PLEKHA5: variants seen among roughly 807,000 people sequenced by gnomAD.
PLEKHA5 encodes the protein pleckstrin homology domain-containing family A member 5.
In PLEKHA5, 55 loss-of-function variants were observed where a neutral mutation model predicts 181.9. That is an observed-to-expected ratio of 0.30 (90% CI 0.24 to 0.38). The LOEUF (loss-of-function observed/expected upper bound fraction) is 0.38, where lower values mean the gene tolerates loss of function less well. PLEKHA5 is among the 10% of genes least tolerant of loss of function. The pLI, the probability that PLEKHA5 is intolerant of heterozygous loss-of-function variation, is 1.00. For synonymous variants in PLEKHA5, 535 were observed against 529.4 expected, an observed-to-expected ratio of 1.01 and a Z score of -0.15; for missense variants, 1,432 against 1,549.5, an observed-to-expected ratio of 0.92 and a Z score of 1.27.
At chr12:19,249,980 G>A (rs1180086507) in intron 3 of PLEKHA5, among the ~76,000 whole-genome samples, 1 of 152,136 alleles carries the variant, frequency 6.6e-6, no homozygotes, top group East Asian at 1.9e-4. Context: ...AGGTTTATTT[G>A]GACATGGAGG....
chr12:19,151,584 A>C (rs1333986618), intron 3 of PLEKHA5: 2 of 152,174 alleles, frequency 1.3e-5, no homozygotes, highest in African/African-American at 4.8e-5. Context: ...AATAGCTTAC[A>C]TACTAAGCAG....
intron 8 of PLEKHA5, among the ~76,000 whole-genome samples, chr12:19,269,062 A>G (rs2071599852): frequency 1.3e-5 from 2 of 152,028 alleles, no homozygotes; most frequent in South Asian, 4.2e-4. Flanking sequence ...GTTGCTGGGA[A>G]TATTCTTAAA....
At chr12:19,318,348 G>T (rs1396962512) in intron 16 of PLEKHA5, among the ~76,000 whole-genome samples, 1 of 151,806 alleles carries the variant, frequency 6.6e-6, no homozygotes, top group Non-Finnish European at 1.5e-5. Context: ...AGGATATATC[G>T]CTCTAAAGTT....
At chr12:19,360,262 C>G (rs557976242) in intron 28 of PLEKHA5, among the ~76,000 whole-genome samples, 1 of 150,528 alleles carries the variant, frequency 6.6e-6, no homozygotes, top group Non-Finnish European at 1.5e-5. Context: ...GAGCCCAAGT[C>G]GCAGTGAGTA....
intron 7 of PLEKHA5, among the ~76,000 whole-genome samples, chr12:19,261,834 A>G (rs1274953927): frequency 6.6e-6 from 1 of 152,204 alleles, no homozygotes; most frequent in Non-Finnish European, 1.5e-5. Context: ...TGACTGCACA[A>G]AAGACCGGTA....
intron 3 of PLEKHA5, among the ~76,000 whole-genome samples, chr12:19,187,183 C>T (rs543553430): frequency 1.3e-5 from 2 of 152,282 alleles, no homozygotes; most frequent in Non-Finnish European, 2.9e-5. Flanking sequence ...TTTGCTATGT[C>T]TAGATCTGAC....
intron 20 of PLEKHA5, among the ~76,000 whole-genome samples, chr12:19,331,070 C>T (rs1171417757): frequency 6.6e-6 from 1 of 151,798 alleles, no homozygotes; most frequent in East Asian, 1.9e-4. Flanking sequence ...ACTTAGAAAC[C>T]CTAATTGAGA....
intron 3 of PLEKHA5, chr12:19,153,510 C>G (rs7133858): frequency 6.6e-6 from 1 of 151,972 alleles, no homozygotes; most frequent in Non-Finnish European, 1.5e-5. Flanking sequence ...TTCTCTGTTA[C>G]GCGTACACAC....
chr12:19,148,836 A>G (rs2039621946), intron 3 of PLEKHA5, among the ~76,000 whole-genome samples: 1 of 152,202 alleles, frequency 6.6e-6, no homozygotes. Context: ...TGTTAACAGA[A>G]TAATCTCAGG....
chr12:19,327,241 G>GTTTTTTTT (rs1163455769), intron 20 of PLEKHA5, among the ~76,000 whole-genome samples: 4 of 141,408 alleles, frequency 2.8e-5, no homozygotes, highest in African/African-American at 8.2e-5. Context: ...GCCAGCATCT[G>GTTTTTTTT]TTTTTGTTTT....
chr12:19,162,802 A>G (rs1158741309), intron 3 of PLEKHA5, among the ~76,000 whole-genome samples: 4 of 152,156 alleles, frequency 2.6e-5, no homozygotes, highest in African/African-American at 4.8e-5. Flanking sequence ...TAATGAGACA[A>G]TGAAAGTAAA....
intron 3 of PLEKHA5, among the ~76,000 whole-genome samples, chr12:19,185,362 A>G (rs2049586897): frequency 6.6e-6 from 1 of 152,142 alleles, no homozygotes; most frequent in African/African-American, 2.4e-5. Flanking sequence ...CAGTAATACT[A>G]GATCCTGGGA....
chr12:19,236,341 C>T (rs1158060861), intron 3 of PLEKHA5, among the ~76,000 whole-genome samples: 1 of 152,076 alleles, frequency 6.6e-6, no homozygotes, highest in African/African-American at 2.4e-5. Context: ...TACTTTGTGC[C>T]TTAGTTACTT....
At chr12:19,291,017 C>A (rs922314934) in intron 14 of PLEKHA5, among the ~76,000 whole-genome samples, 3 of 151,870 alleles carry the variant, frequency 2.0e-5, no homozygotes, top group Admixed American at 2.0e-4. Flanking sequence ...CCTTCTACCC[C>A]ACCCGCTCAC....
At chr12:19,182,767 A>C (rs750716505) in intron 3 of PLEKHA5, among the ~76,000 whole-genome samples, 43 of 152,358 alleles carry the variant, frequency 2.8e-4, no homozygotes, top group Non-Finnish European at 5.3e-4. Context: ...AACAAGTATA[A>C]TATTAGAAAT....
At chr12:19,140,656 T>C (rs1245471655) in intron 3 of PLEKHA5, among the ~76,000 whole-genome samples, 4 of 152,186 alleles carry the variant, frequency 2.6e-5, no homozygotes, top group East Asian at 1.9e-4. Context: ...CTAAAACAAA[T>C]TGTAAGAAAA....
At chr12:19,271,365 C>T (rs2072708957) in intron 10 of PLEKHA5, among the ~76,000 whole-genome samples, 1 of 151,948 alleles carries the variant, frequency 6.6e-6, no homozygotes. Flanking sequence ...ATTAGCTGGG[C>T]GTAGTACCAC....
chr12:19,214,210 C>A (rs1200010904), intron 3 of PLEKHA5, among the ~76,000 whole-genome samples: 5 of 151,722 alleles, frequency 3.3e-5, no homozygotes, highest in Admixed American at 2.0e-4. Flanking sequence ...CATAAAAGAA[C>A]CAGAGGACTG....
intron 3 of PLEKHA5, among the ~76,000 whole-genome samples, chr12:19,219,285 C>T (rs145990308): frequency 1.6e-4 from 24 of 152,236 alleles, no homozygotes; most frequent in Non-Finnish European, 2.9e-4. Flanking sequence ...TGAGGGATGA[C>T]TGTATATGTG....
Sources: gnomAD v4.1 joint callset for allele counts (sites outside exome capture counted in the v4.1 genomes callset) on GRCh38, gnomAD v4.1.1 for gene constraint, MANE v1.5 for transcripts, NCBI Gene and HGNC (gene_info 2026-07-23, HGNC 2026-07-21) for gene names.